PPM1H: variants seen among roughly 807,000 people sequenced by gnomAD.
PPM1H encodes protein phosphatase, Mg2+/Mn2+ dependent 1H.
Under a neutral mutation model 54.9 loss-of-function variants are expected in PPM1H, and 27 were observed. The ratio of observed to expected loss-of-function variants is 0.49; its 90% CI spans 0.36 to 0.68. The LOEUF (loss-of-function observed/expected upper bound fraction) is 0.68, where lower values mean the gene tolerates loss of function less well. PPM1H is among the 30% of genes least tolerant of loss of function. The probability of loss-of-function intolerance (pLI) is 0.00; values close to 1 mark genes in which losing one functional copy is unlikely to be tolerated. For synonymous variants in PPM1H, 305 were observed against 270.8 expected (o/e 1.13, Z -1.24); for missense variants, 596 against 667.8 (o/e 0.89, Z 1.19).
chr12:62,859,792 G>C (rs1191246156), intron 1 of PPM1H, among the ~76,000 whole-genome samples: 1 of 152,156 alleles, frequency 6.6e-6, no homozygotes, highest in East Asian at 1.9e-4. Flanking sequence ...AAAAACCTAA[G>C]GAGAGGGCAC....
intron 1 of PPM1H, among the ~76,000 whole-genome samples, chr12:62,849,012 G>A (rs1235283571): frequency 2.0e-5 from 3 of 152,176 alleles, no homozygotes; most frequent in Non-Finnish European, 4.4e-5. Context: ...GGGAATAGTG[G>A]TGAGTGAGAG....
In PPM1H at chr12:62,722,435, G is replaced by A. The variant is rs146336655; in HGVS notation, c.955-2146C>T. Reference sequence around the variant, plus strand: ...TCCTGGAGAGGTTAAGACCTAGCCCGAGGTCATTCGCCCAAGACTGGGTGG... The same window carrying A: ...TCCTGGAGAGGTTAAGACCTAGCCCAAGGTCATTCGCCCAAGACTGGGTGG... On this transcript the variant is annotated intron_variant, in intron 5 of 9. Coordinates refer to ENST00000228705, the MANE Select transcript of PPM1H (RefSeq NM_020700.2). 1.3e-4 allele frequency among the ~76,000 whole-genome samples: 20 copies of A among 152,284 alleles called. No individual in the cohort carries two copies. The East Asian group carries it at 3.7e-3, about 28-fold the overall frequency.
intron 6 of PPM1H, among the ~76,000 whole-genome samples, chr12:62,715,969 C>G (rs2076232382): frequency 6.6e-6 from 1 of 152,094 alleles, no homozygotes; most frequent in Non-Finnish European, 1.5e-5. Flanking sequence ...TAAATGTACA[C>G]CGAAGCTCGA....
chr12:62,777,554 T>C (rs573366369), intron 4 of PPM1H, among the ~76,000 whole-genome samples: 2 of 152,354 alleles, frequency 1.3e-5, no homozygotes, highest in East Asian at 3.9e-4. Flanking sequence ...AAGTTTATCA[T>C]ATGCAAACCG....
At chr12:62,878,914 TG>T (rs1159646390) in intron 1 of PPM1H, among the ~76,000 whole-genome samples, 1 of 152,046 alleles carries the variant, frequency 6.6e-6, no homozygotes, top group Non-Finnish European at 1.5e-5. Flanking sequence ...CACTCCAGCC[TG>T]GGTGACAGGG....
At chr12:62,770,794 G>A (rs1269729082) in intron 4 of PPM1H, among the ~76,000 whole-genome samples, 1 of 152,180 alleles carries the variant, frequency 6.6e-6, no homozygotes, top group Admixed American at 6.5e-5. Context: ...AATTTTTGCA[G>A]GCAGGCCTGG....
At chr12:62,816,841 A>AT (rs1006265449) in intron 2 of PPM1H, among the ~76,000 whole-genome samples, 1 of 151,950 alleles carries the variant, frequency 6.6e-6, no homozygotes, top group Non-Finnish European at 1.5e-5. Flanking sequence ...GCAAGAAGAA[A>AT]TTTCCATCTC....
intron 1 of PPM1H, among the ~76,000 whole-genome samples, chr12:62,878,373 A>C (rs1181705863): frequency 6.6e-6 from 1 of 152,182 alleles, no homozygotes; most frequent in Admixed American, 6.5e-5. Flanking sequence ...GCACTATCTG[A>C]GAAGAAAATC....
intron 8 of PPM1H, among the ~76,000 whole-genome samples, chr12:62,684,252 G>A (rs908618501): frequency 1.3e-5 from 2 of 152,146 alleles, no homozygotes; most frequent in Admixed American, 6.5e-5. Context: ...ACAGGCCTGT[G>A]CTCGACTGGT....
At chr12:62,781,585 G>C (rs2076642970) in intron 4 of PPM1H, among the ~76,000 whole-genome samples, 4 of 152,238 alleles carry the variant, frequency 2.6e-5, no homozygotes, top group Non-Finnish European at 1.5e-5. Context: ...TCACCTGTAG[G>C]ACTTGCTAAA....
intron 1 of PPM1H, among the ~76,000 whole-genome samples, chr12:62,896,890 C>A (rs1871007493): frequency 4.6e-5 from 7 of 152,020 alleles, no homozygotes; most frequent in Non-Finnish European, 1.0e-4. Context: ...GAAAATGTGG[C>A]ACACATACAC....
chr12:62,895,535 G>A (rs1437639062), intron 1 of PPM1H, among the ~76,000 whole-genome samples: 1 of 152,172 alleles, frequency 6.6e-6, no homozygotes, highest in African/African-American at 2.4e-5. Flanking sequence ...GGGTTTGTTT[G>A]TTTGACCCCA....
At chr12:62,859,210 C>T (rs959131042) in intron 1 of PPM1H, among the ~76,000 whole-genome samples, 7 of 152,122 alleles carry the variant, frequency 4.6e-5, no homozygotes, top group African/African-American at 1.2e-4. Flanking sequence ...AGGAAGCATG[C>T]GATCTTCAAT....
In PPM1H at chr12:62,736,839, C is replaced by T. The variant is rs570636937; in HGVS notation, c.954+663G>A. Reference sequence around the variant, plus strand: ...CCACCTGGGATGATTACCAGAGTCACTTTAAACCAAGATTCTAAGCCTAAT... The same window carrying T: ...CCACCTGGGATGATTACCAGAGTCATTTTAAACCAAGATTCTAAGCCTAAT... On this transcript the variant is annotated intron_variant, in intron 5 of 9. Coordinates refer to ENST00000228705, the MANE Select transcript of PPM1H (RefSeq NM_020700.2). Among the ~76,000 whole-genome samples the T allele has an allele frequency of 1.3e-4, 20 of 152,300 alleles. 1 individual carries two copies. In the South Asian group the frequency reaches 3.9e-3, roughly 30 times the overall value.
At position 62,648,355 on chromosome 12, in the gene PPM1H, G is replaced by T; in HGVS notation, c.*134C>A. 9.0e-7 allele frequency: 1 copy of T among 1,111,934 alleles called. No individual in the cohort carries two copies. The highest frequency in any genetic ancestry group is 1.3e-6 in the Non-Finnish European group (1 of 777,284). 68.9% of individuals were successfully genotyped at this position (1,111,934 alleles called of 1,614,324 possible). ...GGGTCATCTTGAAGCATAGTCTTTT[G>T]GCCATGAACTCCCCGCTTGGGCTGG... On this transcript the variant is annotated 3_prime_UTR_variant, in exon 10 of 10. Transcript: ENST00000228705.
At chr12:62,683,275 G>A (rs974612505) in intron 8 of PPM1H, among the ~76,000 whole-genome samples, 3 of 151,908 alleles carry the variant, frequency 2.0e-5, no homozygotes, top group African/African-American at 7.2e-5. Flanking sequence ...AGAAGCCGGT[G>A]GGGAAGGAAG....
intron 5 of PPM1H, among the ~76,000 whole-genome samples, chr12:62,729,572 C>A (rs145488650): frequency 8.5e-5 from 13 of 152,330 alleles, no homozygotes; most frequent in African/African-American, 2.6e-4. Context: ...TGTAGCTGGC[C>A]TCCCGATCAA....
At chr12:62,866,431 T>C (rs1869778036) in intron 1 of PPM1H, among the ~76,000 whole-genome samples, 1 of 152,188 alleles carries the variant, frequency 6.6e-6, no homozygotes, top group African/African-American at 2.4e-5. Context: ...ATCTAGTTTA[T>C]AAAATATGGT....
At chr12:62,758,204 C>T (rs1049340056) in intron 4 of PPM1H, among the ~76,000 whole-genome samples, 1 of 152,182 alleles carries the variant, frequency 6.6e-6, no homozygotes, top group Admixed American at 6.5e-5. Flanking sequence ...TGTGAGATCT[C>T]TTTCTTGGAA....
Sources: allele counts gnomAD v4.1 joint callset (sites outside exome capture counted in the v4.1 genomes callset), GRCh38; gene constraint gnomAD v4.1.1; transcripts MANE v1.5; gene names NCBI Gene and HGNC (gene_info 2026-07-23, HGNC 2026-07-21).